Variants in VEZT observed in about 807,000 individuals in gnomAD.
VEZT encodes vezatin.
Under a neutral mutation model 79.9 loss-of-function variants are expected in VEZT, and 39 were observed. The observed-to-expected ratio is 0.49, with a 90% CI of 0.38 to 0.64. The LOEUF is 0.64. VEZT is among the 30% of genes least tolerant of loss of function. The pLI is 0.00. For missense variants in VEZT, 837 were observed against 893.1 expected (o/e 0.94, Z 0.80); for synonymous variants, 325 against 327.6 (o/e 0.99, Z 0.09).
intron 1 of VEZT, among the ~76,000 whole-genome samples, chr12:95,244,490 A>G (rs2061465092): frequency 6.6e-6 from 1 of 152,150 alleles, no homozygotes; most frequent in Non-Finnish European, 1.5e-5. Flanking sequence ...TTAAATTCTC[A>G]AAAATGCCTT....
intron 5 of VEZT, among the ~76,000 whole-genome samples, chr12:95,268,703 T>G (rs1202855301): frequency 2.0e-5 from 3 of 152,204 alleles, no homozygotes; most frequent in Non-Finnish European, 2.9e-5. Flanking sequence ...GATTATGACT[T>G]CTACCCATTC....
chr12:95,219,536 C>A (rs190775663), intron 1 of VEZT, among the ~76,000 whole-genome samples: 1 of 152,080 alleles, frequency 6.6e-6, no homozygotes, highest in East Asian at 1.9e-4. Context: ...ATTCATCATT[C>A]TCTGAAAACA....
intron 1 of VEZT, 145 bp downstream of exon 1, chr12:95,218,031 C>A: frequency 1.3e-6 from 1 of 747,348 alleles, no homozygotes; most frequent in Non-Finnish European, 2.0e-6. Context: ...GATTTCAGGG[C>A]CTAGAGTCCG....
intron 1 of VEZT, among the ~76,000 whole-genome samples, chr12:95,242,596 G>A (rs559495226): frequency 9.9e-5 from 15 of 152,210 alleles, no homozygotes; most frequent in Admixed American, 7.2e-4. Flanking sequence ...AAAATGGGCC[G>A]GGCGTGGTGG....
At chr12:95,260,694 C>G (rs968786061) in intron 3 of VEZT, among the ~76,000 whole-genome samples, 1 of 152,168 alleles carries the variant, frequency 6.6e-6, no homozygotes, top group Non-Finnish European at 1.5e-5. Flanking sequence ...TGGTCTAAAG[C>G]TTTTGTAGCA....
chr12:95,231,562 G>T (rs1475501026), intron 1 of VEZT: 1 of 152,126 alleles, frequency 6.6e-6, no homozygotes, highest in Non-Finnish European at 1.5e-5. Flanking sequence ...AGTTTAATTA[G>T]TTGGACCAAT....
chr12:95,270,574 A>C (rs2066393484), intron 6 of VEZT, among the ~76,000 whole-genome samples: 1 of 152,218 alleles, frequency 6.6e-6, no homozygotes, highest in African/African-American at 2.4e-5. Flanking sequence ...TCAAAAAAAC[A>C]GGTTCTAGGA....
intron 1 of VEZT, among the ~76,000 whole-genome samples, chr12:95,230,929 AAT>A (rs1266759679): frequency 6.6e-6 from 1 of 152,206 alleles, no homozygotes; most frequent in Non-Finnish European, 1.5e-5. Flanking sequence ...CTTTTTAGTC[AAT>A]AGAGTATAAA....
At chr12:95,225,792 A>AAAG (rs2058378364) in intron 1 of VEZT, among the ~76,000 whole-genome samples, 1 of 76,034 alleles carries the variant, frequency 1.3e-5, no homozygotes, top group Non-Finnish European at 2.6e-5. Flanking sequence ...AAAAAAAAAA[A>AAAG]AGAGAGAGAA....
chr12:95,252,001 CTTT>C lies in VEZT; in HGVS notation c.99_101del (p.Leu34del). On this transcript the variant is annotated inframe_deletion, in exon 2 of 12. Transcript: ENST00000436874. ...CACACAGACTTTGAAATATGTTCTT[CTTT>C]GTCACCAAAAACAGAAAAATGCACA... is the stretch of plus-strand genomic sequence containing the variant. The C allele has an allele frequency of 6.2e-7, 1 of 1,612,592 alleles. No individual in the cohort carries two copies. The highest frequency in any genetic ancestry group is 8.5e-7 in the Non-Finnish European group (1 of 1,179,270).
At chr12:95,230,739 G>A (rs552311855) in intron 1 of VEZT, among the ~76,000 whole-genome samples, 80 of 152,216 alleles carry the variant, frequency 5.3e-4, no homozygotes, top group African/African-American at 1.8e-3. Context: ...TAAAGCAGTT[G>A]AAAATGAAGT....
At chr12:95,219,353 A>G (rs1483709655) in intron 1 of VEZT, among the ~76,000 whole-genome samples, 1 of 152,204 alleles carries the variant, frequency 6.6e-6, no homozygotes, top group Admixed American at 6.5e-5. Flanking sequence ...TATTAACAGT[A>G]CGGTATGTGT....
At chr12:95,274,912 G>C in intron 7 of VEZT, 23 bp downstream of exon 7, 1 of 1,603,552 alleles carries the variant, frequency 6.2e-7, no homozygotes, top group South Asian at 1.1e-5. Flanking sequence ...TGTAAGGGAA[G>C]GGCTGAAGAA....
chr12:95,242,904 A>C (rs1384625129), intron 1 of VEZT, among the ~76,000 whole-genome samples: 1 of 151,860 alleles, frequency 6.6e-6, no homozygotes, highest in Non-Finnish European at 1.5e-5. Flanking sequence ...AAATCAGTAA[A>C]ATGATATTTT....
At chr12:95,272,612 T>C (rs2138859632) in intron 6 of VEZT, among the ~76,000 whole-genome samples, 1 of 152,330 alleles carries the variant, frequency 6.6e-6, no homozygotes, top group South Asian at 2.1e-4. Flanking sequence ...AACCCTTATT[T>C]GCCTGATCAA....
intron 11 of VEZT, 126 bp downstream of exon 11, chr12:95,296,384 C>T (rs1206046800): frequency 5.3e-5 from 39 of 734,478 alleles, no homozygotes; most frequent in Non-Finnish European, 8.0e-5. Flanking sequence ...ATGCATAGTA[C>T]TTTTTCTTCT....
rs1260901707 is a variant in VEZT, at chr12:95,300,158, T to C, written c.1832-7T>C. 2 of 1,390,088 alleles carry C rather than the reference T, an allele frequency of 1.4e-6. No individual in the cohort carries two copies. The highest frequency in any genetic ancestry group is 2.9e-5 in the African/African-American group (2 of 67,838). The allele number at this position is 1,390,088 out of a possible 1,614,324, so 86.1% of individuals were successfully genotyped here. A position where few individuals can be genotyped will look rare whatever the true frequency, so the allele number is the denominator to read the frequency against. On this transcript the variant is annotated splice_polypyrimidine_tract_variant and splice_region_variant and intron_variant, in intron 11 of 11. Transcript: ENST00000436874. Reference sequence around the variant, plus strand: ...TTTTTTTCTTTTTTCTTTTTTTTTATTTGAAGCCGTGTTGAAATCCTTGTC... The same window carrying C: ...TTTTTTTCTTTTTTCTTTTTTTTTACTTGAAGCCGTGTTGAAATCCTTGTC...
chr12:95,248,709 A>C (rs2062047203), intron 1 of VEZT, among the ~76,000 whole-genome samples: 2 of 151,624 alleles, frequency 1.3e-5, no homozygotes, highest in Non-Finnish European at 2.9e-5. Flanking sequence ...TTAGGAGAGG[A>C]GGGCACGATG....
At chr12:95,290,058 C>T (rs1232546268) in intron 9 of VEZT, among the ~76,000 whole-genome samples, 1 of 152,130 alleles carries the variant, frequency 6.6e-6, no homozygotes, top group African/African-American at 2.4e-5. Context: ...AAATGAACAC[C>T]AACCATGATA....
Sources: allele counts gnomAD v4.1 joint callset (sites outside exome capture counted in the v4.1 genomes callset), GRCh38; gene constraint gnomAD v4.1.1; transcripts MANE v1.5; gene names NCBI Gene and HGNC (gene_info 2026-07-23, HGNC 2026-07-21).